SCN3A: variants seen among roughly 807,000 people sequenced by gnomAD.
SCN3A encodes sodium channel protein type 3 subunit alpha.
In SCN3A, 60 loss-of-function variants were observed where a neutral mutation model predicts 187.6. That is an observed-to-expected ratio of 0.32 (90% CI 0.26 to 0.40). SCN3A has a LOEUF of 0.40. SCN3A is among the 10% of genes least tolerant of loss of function. SCN3A has a pLI of 1.00. For missense variants in SCN3A, 1,601 were observed against 2,428.2 expected (o/e 0.66, Z 7.16); for synonymous variants, 788 against 829.2 (o/e 0.95, Z 0.85).
At chr2:165,133,599 C>T (rs1687489720) in intron 15 of SCN3A, among the ~76,000 whole-genome samples, 1 of 151,810 alleles carries the variant, frequency 6.6e-6, no homozygotes. Context: ...CCGCCTCAGC[C>T]TCCCAAAGTA....
chr2:165,195,738 A>G (rs1162654428), intron 1 of SCN3A, among the ~76,000 whole-genome samples: 1 of 152,088 alleles, frequency 6.6e-6, no homozygotes, highest in African/African-American at 2.4e-5. Context: ...GTGTCTTACA[A>G]TGACAGGATA....
chr2:165,166,849 A>T (rs1689789508), intron 5 of SCN3A, among the ~76,000 whole-genome samples: 1 of 152,056 alleles, frequency 6.6e-6, no homozygotes, highest in Non-Finnish European at 1.5e-5. Context: ...GGGTATAATC[A>T]TCTCTAAGTT....
In SCN3A at chr2:165,154,419, T is replaced by C. The variant is rs187852786; in HGVS notation, c.1380+33A>G. 7.7e-5 allele frequency: 124 copies of C among 1,602,000 alleles called. 1 individual carries two copies. The highest frequency in any genetic ancestry group is 8.7e-5 in the Non-Finnish European group (102 of 1,169,306). On this transcript the variant is annotated intron_variant, in intron 11 of 27. Coordinates refer to ENST00000283254, the MANE Select transcript of SCN3A (RefSeq NM_006922.4). ...ATTTCTACTTAGAAACTAATAATAA[T>C]AATGATAAATCTTTGCTTTTATCAC...
chr2:165,122,486 A>G (rs1448733852), intron 18 of SCN3A, among the ~76,000 whole-genome samples: 3 of 152,174 alleles, frequency 2.0e-5, no homozygotes, highest in Non-Finnish European at 4.4e-5. Flanking sequence ...GAAACAAAAA[A>G]ATGCATGCCC....
chr2:165,108,826 A>G (rs1255679495), intron 21 of SCN3A, among the ~76,000 whole-genome samples: 1 of 152,164 alleles, frequency 6.6e-6, no homozygotes, highest in African/African-American at 2.4e-5. Context: ...TTCACCTGAG[A>G]AGAAAAGAAT....
intron 21 of SCN3A, among the ~76,000 whole-genome samples, chr2:165,103,549 C>T (rs1685707125): frequency 6.6e-6 from 1 of 152,128 alleles, no homozygotes; most frequent in African/African-American, 2.4e-5. Context: ...GGTACCATAT[C>T]ACACTACACA....
At chr2:165,125,331 T>A (rs1429711993) in intron 18 of SCN3A, among the ~76,000 whole-genome samples, 5 of 151,032 alleles carry the variant, frequency 3.3e-5, no homozygotes, top group Non-Finnish European at 7.4e-5. Flanking sequence ...TGAGATGGAG[T>A]CTTGCTCTGT....
intron 17 of SCN3A, 84 bp from the exon 18 acceptor site, chr2:165,128,185 T>C: frequency 9.3e-7 from 1 of 1,071,232 alleles, no homozygotes; most frequent in Non-Finnish European, 1.3e-6. Context: ...CATAGATCTT[T>C]GCTAAAATTA....
chr2:165,107,802 A>G (rs557986673), intron 21 of SCN3A, among the ~76,000 whole-genome samples: 31 of 152,370 alleles, frequency 2.0e-4, no homozygotes, highest in African/African-American at 7.2e-4. Flanking sequence ...CATCTGTAGC[A>G]AAATAGAAAT....
chr2:165,149,551 G>T (rs1194670822), intron 11 of SCN3A, among the ~76,000 whole-genome samples: 2 of 152,284 alleles, frequency 1.3e-5, no homozygotes, highest in Admixed American at 1.3e-4. Flanking sequence ...AACCAAAACA[G>T]ATTTCTAAGG....
At position 165,170,194 on chromosome 2, in the gene SCN3A, G is replaced by A. The variant is rs11891394; in HGVS notation, c.383+236C>T. ...AGATTTGCTCTTTTTCCTACTATGT[G>A]TTTCCTTTGCACATTCACTATCATG... On this transcript the variant is annotated intron_variant, in intron 4 of 27. Transcript: ENST00000283254. Among the ~76,000 whole-genome samples, 34,101 of 151,674 alleles carry A rather than the reference G, an allele frequency of 0.22. 5,032 individuals are homozygous for A. The highest frequency in any genetic ancestry group is 0.52 in the East Asian group (2,694 of 5,158).
At chr2:165,180,278 G>C (rs1030485076) in intron 2 of SCN3A, among the ~76,000 whole-genome samples, 30 of 152,214 alleles carry the variant, frequency 2.0e-4, no homozygotes, top group Non-Finnish European at 8.8e-5. Context: ...TACTCTGTTT[G>C]AACCAGGAAC....
chr2:165,203,077 A>G (rs1233028508), intron 1 of SCN3A, among the ~76,000 whole-genome samples: 2 of 151,946 alleles, frequency 1.3e-5, no homozygotes, highest in Non-Finnish European at 2.9e-5. Flanking sequence ...TAATAAAAAT[A>G]AACAGTTATT....
At chr2:165,188,280 G>A (rs1286226998) in intron 1 of SCN3A, among the ~76,000 whole-genome samples, 1 of 152,078 alleles carries the variant, frequency 6.6e-6, no homozygotes, top group Non-Finnish European at 1.5e-5. Flanking sequence ...AAAGAGGAGA[G>A]AGTATTTTTT....
rs200237385 is a variant in SCN3A at position 165,146,793 on chromosome 2, G to A, written c.1617C>T (p.Phe539=). Residue 539 remains phenylalanine (F), a synonymous_variant, in exon 12 of 28, where the codon TTC becomes TTT. Transcript: ENST00000283254. ...TGGTCAGTCTGTTTCCATCCATGGA[G>A]AAAAGGAAGCTGCTTCTTTTGACGC... The part of the protein sequence containing the change: ...EDSVKRSSFL[F]SMDGNRLTSD... The A allele has an allele frequency of 1.4e-5, 22 of 1,613,956 alleles. No individual in the cohort carries two copies. The highest frequency in any genetic ancestry group is 1.6e-5 in the Non-Finnish European group (19 of 1,179,970).
rs748414391 is a variant in SCN3A at position 165,090,474 on chromosome 2, G to C, written c.5679C>G (p.Thr1893=). 1.9e-6 allele frequency: 3 copies of C among 1,613,998 alleles called. No individual in the cohort carries two copies. Among genetic ancestry groups the C allele is most frequent in the Non-Finnish European group, 2.5e-6 (3 of 1,179,970 alleles). ...CCTCCTCTTGTTTACGTTTCAAAGTGGTTGTAATAGGCTCATAAGAGACTT... is the reference window on the plus strand; with the variant it reads ...CCTCCTCTTGTTTACGTTTCAAAGTCGTTGTAATAGGCTCATAAGAGACTT... ...PSKVSYEPIT[T]TLKRKQEEVS... is the part of the protein sequence containing the mutation. Residue 1893 remains threonine (T), a synonymous_variant, in exon 28 of 28, where the codon ACC becomes ACG. Transcript: ENST00000283254. This position sits in a 1 kb window ranked among gnomAD's most constrained non-coding sequence, Gnocchi z 4.0.
At chr2:165,171,748 C>T (rs1376232880) in intron 3 of SCN3A, among the ~76,000 whole-genome samples, 2 of 151,976 alleles carry the variant, frequency 1.3e-5, no homozygotes, top group Non-Finnish European at 2.9e-5. Flanking sequence ...TTACATGTTG[C>T]TTGTAATTAT....
chr2:165,138,184 T>C, intron 14 of SCN3A, 67 bp from the exon 15 acceptor site: 1 of 1,128,188 alleles, frequency 8.9e-7, no homozygotes. Context: ...GCTAGTAGAT[T>C]TTACATTATT....
intron 3 of SCN3A, among the ~76,000 whole-genome samples, chr2:165,171,973 T>G (rs1690132198): frequency 6.6e-6 from 1 of 152,174 alleles, no homozygotes; most frequent in Admixed American, 6.5e-5. Context: ...GTATATCCAT[T>G]TACTTAATAA....
Sources: gnomAD v4.1 joint callset for allele counts (sites outside exome capture counted in the v4.1 genomes callset) on GRCh38, gnomAD v4.1.1 for gene constraint, Gnocchi (gnomAD v3.1) non-coding constraint, MANE v1.5 for transcripts, NCBI Gene and HGNC (gene_info 2026-07-23, HGNC 2026-07-21) for gene names.